Variants in DGKB observed in about 807,000 individuals in gnomAD.
DGKB encodes the protein 90 kDa diacylglycerol kinase.
DGKB carries 67 observed loss-of-function variants against 114.3 expected under a neutral mutation model. The ratio of observed to expected loss-of-function variants is 0.59; its 90% CI spans 0.48 to 0.72. The LOEUF (loss-of-function observed/expected upper bound fraction) is 0.72. Ranked by LOEUF, DGKB falls within the 30% of genes least tolerant of loss-of-function variation. DGKB has a pLI of 0.00. For missense variants in DGKB, 907 were observed against 975.2 expected, an observed-to-expected ratio of 0.93 and a Z score of 0.93; for synonymous variants, 398 against 323.1, an observed-to-expected ratio of 1.23 and a Z score of -2.49.
intron 1 of DGKB, among the ~76,000 whole-genome samples, chr7:14,937,025 TACACACACACACACACACACACACACAC>T (rs56176139): frequency 1.5e-5 from 2 of 132,284 alleles, no homozygotes; most frequent in Non-Finnish European, 3.2e-5. Flanking sequence ...GTCCATTCAC[TACACACACACACACACACACACACACAC>T]ACACACACAC....
chr7:14,929,404 G>C (rs975929567), intron 1 of DGKB, among the ~76,000 whole-genome samples: 27 of 151,960 alleles, frequency 1.8e-4, no homozygotes, highest in African/African-American at 6.5e-4. Flanking sequence ...GTTATTTTTT[G>C]ATGTGTTAAT....
intron 23 of DGKB, among the ~76,000 whole-genome samples, chr7:14,274,720 G>A (rs924510742): frequency 4.6e-5 from 7 of 151,986 alleles, no homozygotes; most frequent in Non-Finnish European, 7.4e-5. Context: ...GTTGGTTTGC[G>A]TACACTTTCT....
chr7:14,815,012 C>T (rs1843923997), intron 2 of DGKB, among the ~76,000 whole-genome samples: 1 of 152,104 alleles, frequency 6.6e-6, no homozygotes, highest in Non-Finnish European at 1.5e-5. Flanking sequence ...TAATCCTTTT[C>T]CTGTCATTCT....
chr7:14,680,401 A>T (rs1197352351), intron 12 of DGKB, among the ~76,000 whole-genome samples: 1 of 152,006 alleles, frequency 6.6e-6, no homozygotes, highest in Non-Finnish European at 1.5e-5. Flanking sequence ...GATTTTTAAA[A>T]GTACAGTCTA....
At chr7:14,621,197 G>A (rs1385529314) in intron 15 of DGKB, 181 bp downstream of exon 15, 4 of 503,538 alleles carry the variant, frequency 7.9e-6, no homozygotes, top group African/African-American at 2.0e-5. Flanking sequence ...TAACCAGAAT[G>A]TTACTCTGTC....
chr7:14,315,888 G>A (rs1342823066), intron 23 of DGKB, among the ~76,000 whole-genome samples: 2 of 150,632 alleles, frequency 1.3e-5, no homozygotes, highest in Non-Finnish European at 3.0e-5. Flanking sequence ...TGGAAGTAAA[G>A]CTCTCCTCAG....
intron 21 of DGKB, among the ~76,000 whole-genome samples, chr7:14,387,372 C>T (rs1429808698): frequency 6.9e-6 from 1 of 145,158 alleles, no homozygotes; most frequent in East Asian, 2.0e-4. Context: ...GAGACGGCAC[C>T]ATTGCACTCC....
chr7:14,559,002 T>A (rs1029464789), intron 20 of DGKB, among the ~76,000 whole-genome samples: 1 of 152,166 alleles, frequency 6.6e-6, no homozygotes, highest in East Asian at 1.9e-4. Flanking sequence ...CACCTGCATG[T>A]CCCTATTTTC....
chr7:14,729,343 C>T (rs573234664), intron 5 of DGKB, among the ~76,000 whole-genome samples: 15 of 151,830 alleles, frequency 9.9e-5, no homozygotes, highest in South Asian at 2.1e-4. Context: ...AGGATGGTCT[C>T]GATCTCCTGA....
At chr7:14,919,177 A>G (rs1029502340) in intron 1 of DGKB, among the ~76,000 whole-genome samples, 1 of 151,960 alleles carries the variant, frequency 6.6e-6, no homozygotes, top group Non-Finnish European at 1.5e-5. Flanking sequence ...TCAATACTGA[A>G]GAAAAACAAA....
intron 5 of DGKB, among the ~76,000 whole-genome samples, chr7:14,725,943 G>A (rs1166203933): frequency 1.3e-5 from 2 of 152,064 alleles, no homozygotes; most frequent in Non-Finnish European, 2.9e-5. Flanking sequence ...CATTTATTAA[G>A]CATTTATAAT....
rs1198847964 is a variant in DGKB, at chr7:14,752,215, AG to A, written c.168+1712del. On this transcript the variant is annotated intron_variant, in intron 4 of 25. Coordinates refer to ENST00000402815, the MANE Select transcript of DGKB (RefSeq NM_001350709.2). ...AGGATAATTATAGATTACAGTAAAA[AG>A]GTTTTTATATCATTGTTAATAATTA... 7.9e-5 allele frequency among the ~76,000 whole-genome samples: 12 copies of A among 152,274 alleles called. No individual in the cohort carries two copies. In the South Asian group the frequency reaches 1.7e-3, roughly 21 times the overall value.
chr7:14,410,844 A>C (rs768140381), intron 21 of DGKB, among the ~76,000 whole-genome samples: 19 of 152,182 alleles, frequency 1.2e-4, no homozygotes, highest in Non-Finnish European at 2.6e-4. Context: ...AAATGTGTTG[A>C]ATTTCTATTG....
intron 9 of DGKB, among the ~76,000 whole-genome samples, chr7:14,687,866 G>A (rs1348340064): frequency 1.3e-5 from 2 of 152,144 alleles, no homozygotes; most frequent in East Asian, 3.9e-4. Context: ...AAGTCTGAAC[G>A]TGGGTGTTCT....
chr7:14,367,372 T>A (rs944251364), intron 21 of DGKB, among the ~76,000 whole-genome samples: 10 of 151,990 alleles, frequency 6.6e-5, no homozygotes, highest in Non-Finnish European at 1.5e-4. Context: ...GTTCTCCTGT[T>A]AATGAATAAG....
At chr7:14,877,948 G>A (rs1327309389) in intron 1 of DGKB, among the ~76,000 whole-genome samples, 3 of 151,672 alleles carry the variant, frequency 2.0e-5, no homozygotes, top group Admixed American at 6.6e-5. Context: ...CAATTTTTAT[G>A]TATTTGTTCA....
intron 21 of DGKB, among the ~76,000 whole-genome samples, chr7:14,396,013 T>A (rs1583627794): frequency 6.6e-6 from 1 of 152,090 alleles, no homozygotes; most frequent in Admixed American, 6.5e-5. Context: ...GAGTCATCAA[T>A]ATATGAATTG....
At chr7:14,202,952 G>C (rs991491824) in intron 23 of DGKB, among the ~76,000 whole-genome samples, 2 of 151,788 alleles carry the variant, frequency 1.3e-5, no homozygotes, top group African/African-American at 4.8e-5. Context: ...GATCAAAGCA[G>C]AATTCTGCCC....
At chr7:14,656,429 T>G (rs114400604) in intron 13 of DGKB, among the ~76,000 whole-genome samples, 2 of 151,324 alleles carry the variant, frequency 1.3e-5, no homozygotes, top group Admixed American at 6.6e-5. Context: ...GCGAAGAAAA[T>G]TGACATTTTA....
Sources: gnomAD v4.1 joint callset for allele counts (sites outside exome capture counted in the v4.1 genomes callset) on GRCh38, gnomAD v4.1.1 for gene constraint, MANE v1.5 for transcripts, NCBI Gene and HGNC (gene_info 2026-07-23, HGNC 2026-07-21) for gene names.